The following KANK1 variants were observed in gnomAD, a reference collection of about 807,000 sequenced individuals.
The protein encoded by KANK1 is KN motif and ankyrin repeat domains 1.
A neutral mutation model predicts 106.2 loss-of-function variants in KANK1; 109 were observed. The observed-to-expected ratio is 1.03, with a 90% CI of 0.88 to 1.20. The LOEUF (loss-of-function observed/expected upper bound fraction) is 1.20, where lower values mean the gene tolerates loss of function less well. Ranked by LOEUF, KANK1 falls within the 50% of genes most tolerant of loss-of-function variation. KANK1 has a pLI of 0.00. For synonymous variants in KANK1, 873 were observed against 652.2 expected (o/e 1.34, Z -5.16); for missense variants, 2,399 against 1,710.7 (o/e 1.40, Z -7.10).
chr9:672,568 A>G (rs1047755336), intron 1 of KANK1, among the ~76,000 whole-genome samples: 1 of 152,236 alleles, frequency 6.6e-6, no homozygotes, highest in Non-Finnish European at 1.5e-5. Context: ...CATCAGCATT[A>G]TCTTGTTTCT....
Position 736,378 on chromosome 9 carries a change from G to A in KANK1, c.3333+1543G>A, listed in dbSNP as rs79616890. ...GGTTGAATCTATGGAAATGGAACCT[G>A]TAGATACAGAGGGCCAGCTGTACTA... On this transcript the variant is annotated intron_variant, in intron 7 of 11. Coordinates refer to ENST00000382297, the MANE Select transcript of KANK1 (RefSeq NM_015158.5). Among the ~76,000 whole-genome samples, 954 of 152,280 alleles carry A rather than the reference G, an allele frequency of 6.3e-3. 11 individuals are homozygous for A. The highest frequency in any genetic ancestry group is 7.6e-3 in the Non-Finnish European group (520 of 68,016).
At chr9:665,930 A>ACCC in intron 1 of KANK1, among the ~76,000 whole-genome samples, 1 of 152,298 alleles carries the variant, frequency 6.6e-6, no homozygotes, top group East Asian at 1.9e-4. Flanking sequence ...CTGCAATCCC[A>ACCC]ACACTTCGAG....
At chr9:646,746 G>A (rs1019941641) in intron 1 of KANK1, among the ~76,000 whole-genome samples, 2 of 148,968 alleles carry the variant, frequency 1.3e-5, no homozygotes, top group African/African-American at 5.1e-5. Flanking sequence ...CTGGAGTGCA[G>A]TGGCACGATC....
chr9:660,210 A>C (rs1842989989), intron 1 of KANK1: 2 of 270,004 alleles, frequency 7.4e-6, no homozygotes, highest in South Asian at 9.9e-5. Flanking sequence ...ACTGTAATTG[A>C]GCATCCAGAA....
intron 2 of KANK1, among the ~76,000 whole-genome samples, chr9:677,835 G>A (rs1338380467): frequency 6.6e-6 from 1 of 152,186 alleles, no homozygotes; most frequent in African/African-American, 2.4e-5. Flanking sequence ...TAGAATTGGA[G>A]CCAGGAAACC....
At chr9:732,146 A>G (rs986474898) in intron 5 of KANK1, 9 of 397,672 alleles carry the variant, frequency 2.3e-5, no homozygotes, top group Non-Finnish European at 4.1e-5. Flanking sequence ...ATTTTCTTTA[A>G]CAAGTGTTAC....
At chr9:741,994 G>T (rs1300901432) in intron 9 of KANK1, among the ~76,000 whole-genome samples, 1 of 152,186 alleles carries the variant, frequency 6.6e-6, no homozygotes, top group Non-Finnish European at 1.5e-5. Flanking sequence ...CTAAAATGAA[G>T]TTGGCTCCTT....
intron 1 of KANK1, among the ~76,000 whole-genome samples, chr9:623,417 C>G (rs1469746214): frequency 6.6e-6 from 1 of 151,882 alleles, no homozygotes; most frequent in Admixed American, 6.6e-5. Flanking sequence ...TGGTGAACCC[C>G]TGTCTCTACA....
chr9:724,193 A>G (rs981947934), intron 3 of KANK1, among the ~76,000 whole-genome samples: 2 of 152,162 alleles, frequency 1.3e-5, no homozygotes, highest in Non-Finnish European at 2.9e-5. Context: ...TTTAGCCTCA[A>G]TGGTTTGCAT....
chr9:622,897 A>G (rs1319568988), intron 1 of KANK1, among the ~76,000 whole-genome samples: 22 of 152,054 alleles, frequency 1.4e-4, no homozygotes, highest in Non-Finnish European at 1.0e-4. Flanking sequence ...CCGAGACTCC[A>G]TCTCAAAAAA....
At chr9:597,980 C>A (rs183975585) in intron 1 of KANK1, among the ~76,000 whole-genome samples, 1 of 151,668 alleles carries the variant, frequency 6.6e-6, no homozygotes, top group Non-Finnish European at 1.5e-5. Flanking sequence ...ATGTTTTCTT[C>A]TAAGAAGTTA....
At chr9:596,949 C>A (rs1563831184) in intron 1 of KANK1, among the ~76,000 whole-genome samples, 1 of 151,502 alleles carries the variant, frequency 6.6e-6, no homozygotes. Flanking sequence ...CTTTCAGTCT[C>A]TATGAATTTA....
At chr9:666,689 T>C (rs952133828) in intron 1 of KANK1, among the ~76,000 whole-genome samples, 4 of 152,188 alleles carry the variant, frequency 2.6e-5, no homozygotes, top group Admixed American at 6.5e-5. Flanking sequence ...TCAGCACTTA[T>C]TGAAATGATC....
intron 1 of KANK1, among the ~76,000 whole-genome samples, chr9:525,170 T>A (rs1325156707): frequency 6.6e-6 from 1 of 150,886 alleles, no homozygotes; most frequent in African/African-American, 2.5e-5. Context: ...AATTTTTATA[T>A]TTTTAGTAGA....
intron 1 of KANK1, among the ~76,000 whole-genome samples, chr9:644,617 C>G (rs1365747436): frequency 6.6e-6 from 1 of 150,662 alleles, no homozygotes; most frequent in Non-Finnish European, 1.5e-5. Context: ...TCACTGTCAC[C>G]AGAACAGCAC....
At chr9:665,597 A>G (rs1469460601) in intron 1 of KANK1, among the ~76,000 whole-genome samples, 1 of 152,162 alleles carries the variant, frequency 6.6e-6, no homozygotes, top group East Asian at 1.9e-4. Context: ...TAAGTCAAGT[A>G]GTGTGAGGCC....
chr9:615,611 C>G (rs911310902), intron 1 of KANK1, among the ~76,000 whole-genome samples: 3 of 152,112 alleles, frequency 2.0e-5, no homozygotes, highest in African/African-American at 7.2e-5. Context: ...CATAGTATAT[C>G]CTTTAGGTAA....
intron 1 of KANK1, among the ~76,000 whole-genome samples, chr9:548,042 A>T (rs571520289): frequency 6.6e-6 from 1 of 152,318 alleles, no homozygotes; most frequent in Non-Finnish European, 1.5e-5. Context: ...CTTCATAACT[A>T]TGATAGCATA....
chr9:526,006 GTTACT>G (rs2059774970), intron 1 of KANK1, among the ~76,000 whole-genome samples: 1 of 151,734 alleles, frequency 6.6e-6, no homozygotes, highest in South Asian at 2.1e-4. Flanking sequence ...TCTTATTCAG[GTTACT>G]TTTAATTGAG....
Sources: gnomAD v4.1 joint callset for allele counts (sites outside exome capture counted in the v4.1 genomes callset) on GRCh38, gnomAD v4.1.1 for gene constraint, MANE v1.5 for transcripts, NCBI Gene and HGNC (gene_info 2026-07-23, HGNC 2026-07-21) for gene names.